Variants in TNPO1 observed in about 807,000 individuals in gnomAD.
TNPO1 encodes transportin-1.
A neutral mutation model predicts 119.5 loss-of-function variants in TNPO1; 8 were observed. The observed-to-expected ratio is 0.07, with a 90% confidence interval of 0.04 to 0.12. TNPO1 has a LOEUF of 0.12. Among genes scored for constraint, TNPO1 ranks in the 10% least tolerant of loss-of-function variants. The probability of loss-of-function intolerance (pLI) is 1.00; values close to 1 mark genes in which losing one functional copy is unlikely to be tolerated. For synonymous variants in TNPO1, 362 were observed against 363.0 expected, an observed-to-expected ratio of 1.00 and a Z score of 0.03; for missense variants, 576 against 1,089.8, an observed-to-expected ratio of 0.53 and a Z score of 6.64.
Position 72,868,431 on chromosome 5 carries a change from CAAAAAAAAAAAAAA to C in TNPO1, c.596+2717_596+2730del, listed in dbSNP as rs200691585. Among the ~76,000 whole-genome samples the C allele has an allele frequency of 1.3e-3, 35 of 27,072 alleles. No individual in the cohort carries two copies. The East Asian group carries it at 0.021, about 16-fold the overall frequency. 17.8% of individuals were successfully genotyped at this position (27,072 alleles called of 152,430 possible). On this transcript the variant is annotated intron_variant, in intron 6 of 24. Coordinates refer to ENST00000337273, the MANE Select transcript of TNPO1 (RefSeq NM_002270.4). ...TGGATGACAGAGCAAGACTCCGTCT[CAAAAAAAAAAAAAA>C]AAAAAAAAAAAAAACACAAAATAAT...
chr5:72,865,488 A>C, intron 5 of TNPO1, 108 bp from the exon 6 acceptor site: 1 of 1,232,760 alleles, frequency 8.1e-7, no homozygotes, highest in Non-Finnish European at 1.1e-6. Context: ...AAGGCATTTT[A>C]TGTGGGCTGA....
chr5:72,862,992 TTGTGTGTGTGTG>T (rs71614493), intron 5 of TNPO1, among the ~76,000 whole-genome samples: 89 of 144,870 alleles, frequency 6.1e-4, no homozygotes, highest in African/African-American at 1.5e-3. Context: ...CTGTGGGTTT[TTGTGTGTGTGTG>T]TGTGTGTGTG....
intron 4 of TNPO1, among the ~76,000 whole-genome samples, chr5:72,861,167 T>C (rs1404919149): frequency 1.3e-5 from 2 of 152,120 alleles, no homozygotes; most frequent in African/African-American, 2.4e-5. Flanking sequence ...CACCTCGGCC[T>C]CCCAAAGTGC....
chr5:72,840,595 A>G (rs1199805637), intron 1 of TNPO1, among the ~76,000 whole-genome samples: 1 of 152,202 alleles, frequency 6.6e-6, no homozygotes, highest in Non-Finnish European at 1.5e-5. Context: ...TGCTGTTGTG[A>G]ATATTAAATG....
At chr5:72,896,073 A>C (rs1749407521) in intron 18 of TNPO1, among the ~76,000 whole-genome samples, 1 of 152,114 alleles carries the variant, frequency 6.6e-6, no homozygotes, top group South Asian at 2.1e-4. Flanking sequence ...AGAGCACAAG[A>C]GTGAAAATTG....
At chr5:72,871,917 T>G (rs1039852988) in intron 6 of TNPO1, 2 of 152,012 alleles carry the variant, frequency 1.3e-5, no homozygotes. Flanking sequence ...ATTTAAGAGG[T>G]TGTAATTAAG....
At chr5:72,849,812 C>T (rs574924031) in intron 2 of TNPO1, among the ~76,000 whole-genome samples, 2 of 152,204 alleles carry the variant, frequency 1.3e-5, no homozygotes, top group African/African-American at 2.4e-5. Context: ...TGTCATAGTT[C>T]TAGGGATGAT....
At chr5:72,851,021 A>G (rs1280579740) in intron 2 of TNPO1, among the ~76,000 whole-genome samples, 3 of 152,208 alleles carry the variant, frequency 2.0e-5, no homozygotes, top group African/African-American at 7.2e-5. Flanking sequence ...TATTGCATGT[A>G]ATTGATACAT....
In TNPO1 at chr5:72,908,969, TC is replaced by T; in HGVS notation, c.*297del. 3 of 445,920 alleles carry T rather than the reference TC, an allele frequency of 6.7e-6. No homozygotes were observed. The highest frequency in any genetic ancestry group is 1.3e-5 in the Non-Finnish European group (3 of 222,874). The allele number at this position is 445,920 out of a possible 1,614,324, so 27.6% of individuals were successfully genotyped here. Reference sequence around the variant, plus strand: ...AGCAAAAAAAAAAAAATCTATTCAGTCTACTCACAAAACAGTACATTGTGGA... The same window carrying T: ...AGCAAAAAAAAAAAAATCTATTCAGTTACTCACAAAACAGTACATTGTGGA... On this transcript the variant is annotated 3_prime_UTR_variant, in exon 25 of 25. Coordinates refer to ENST00000337273, the MANE Select transcript of TNPO1 (RefSeq NM_002270.4).
chr5:72,817,948 C>G (rs1475791761), intron 1 of TNPO1, among the ~76,000 whole-genome samples: 1 of 152,192 alleles, frequency 6.6e-6, no homozygotes, highest in Non-Finnish European at 1.5e-5. Flanking sequence ...CCACTTTCAC[C>G]TTACCTGGCA....
chr5:72,849,542 A>G lies in TNPO1; in HGVS notation c.129+1044A>G, dbSNP rs1745393442. Among the ~76,000 whole-genome samples, 9 of 152,320 alleles carry G rather than the reference A, an allele frequency of 5.9e-5. 1 individual carries two copies. In the South Asian group the frequency reaches 1.5e-3, roughly 25 times the overall value. The stretch of plus-strand genomic sequence containing the variant: ...TACATTTAAAACATCTGTAAAGATG[A>G]AGTTATTTACCCCGAGGGTTTCGCA... On this transcript the variant is annotated intron_variant, in intron 2 of 24. Transcript: ENST00000337273.
At chr5:72,880,555 C>CTG (rs367648022) in intron 9 of TNPO1, among the ~76,000 whole-genome samples, 1 of 152,288 alleles carries the variant, frequency 6.6e-6, no homozygotes, top group East Asian at 1.9e-4. Flanking sequence ...TGGCTTATGC[C>CTG]TGTAATCCCA....
In TNPO1 at chr5:72,909,573, GTAATT is replaced by G. The variant is rs1750420317; in HGVS notation, c.*904_*908del. On this transcript the variant is annotated 3_prime_UTR_variant, in exon 25 of 25. Transcript: ENST00000337273. Reference sequence around the variant, plus strand: ...GCATTCTGGCTCATAGTGGTTGAAAGTAATTTAAATTAGTGGGAAAGTAGCATGCT... The same window carrying G: ...GCATTCTGGCTCATAGTGGTTGAAAGTAAATTAGTGGGAAAGTAGCATGCT... 6.6e-6 allele frequency: 1 copy of G among 152,300 alleles called. No individual in the cohort carries two copies. Among genetic ancestry groups the G allele is most frequent in the Admixed American group, 6.5e-5 (1 of 15,282 alleles). 9.4% of individuals were successfully genotyped at this position (152,300 alleles called of 1,614,324 possible).
rs546607440 is a variant in TNPO1, at chr5:72,886,099, T to TAGGTTTCTAATACATGAACTTCAGGAACG, written c.1151-943_1151-942insGAGGTTTCTAATACATGAACTTCAGGAAC. Among the ~76,000 whole-genome samples the TAGGTTTCTAATACATGAACTTCAGGAACG allele has an allele frequency of 2.0e-3, 302 of 152,308 alleles. 3 individuals carry two copies. Among genetic ancestry groups the TAGGTTTCTAATACATGAACTTCAGGAACG allele is most frequent in the African/African-American group, 7.0e-3 (292 of 41,554 alleles). On this transcript the variant is annotated intron_variant, in intron 11 of 24. Transcript: ENST00000337273. Reference sequence around the variant, plus strand: ...CTCCCATCTTCGTTGCTTTAGGGATTAGGTTTCTAATACATGAACTTCAGG... The same window carrying TAGGTTTCTAATACATGAACTTCAGGAACG: ...CTCCCATCTTCGTTGCTTTAGGGATTAGGTTTCTAATACATGAACTTCAGGAACGAGGTTTCTAATACATGAACTTCAGG...
intron 12 of TNPO1, among the ~76,000 whole-genome samples, chr5:72,887,764 A>T (rs1463070063): frequency 6.6e-6 from 1 of 152,238 alleles, no homozygotes. Flanking sequence ...GCTTTAAAAA[A>T]AAATCCTTGA....
chr5:72,896,409 A>G, intron 18 of TNPO1, 49 bp from the exon 19 acceptor site: 1 of 1,325,830 alleles, frequency 7.5e-7, no homozygotes, highest in African/African-American at 1.5e-5. Context: ...TTAAAGTACA[A>G]TATACTGCTA....
At chr5:72,894,584 TCG>T (rs1352650173) in intron 18 of TNPO1, among the ~76,000 whole-genome samples, 1 of 152,152 alleles carries the variant, frequency 6.6e-6, no homozygotes, top group South Asian at 2.1e-4. Flanking sequence ...GGCAGGAAAA[TCG>T]CTTGAACCCG....
intron 1 of TNPO1, among the ~76,000 whole-genome samples, chr5:72,840,273 A>G (rs1744852004): frequency 1.3e-5 from 2 of 151,158 alleles, no homozygotes; most frequent in African/African-American, 2.5e-5. Flanking sequence ...CGCTTTGTTC[A>G]TTACTGTGTG....
Position 72,882,859 on chromosome 5 carries a change from T to TA in TNPO1, c.982-203dup, listed in dbSNP as rs528971382. Among the ~76,000 whole-genome samples the TA allele has an allele frequency of 5.6e-4, 86 of 152,322 alleles. 2 individuals carry two copies. The highest frequency in any genetic ancestry group is 1.9e-3 in the African/African-American group (79 of 41,568). On this transcript the variant is annotated intron_variant, in intron 10 of 24. Coordinates refer to ENST00000337273, the MANE Select transcript of TNPO1 (RefSeq NM_002270.4). ...CATGTAGTTGGCTGAAAGGGCCGTA[T>TA]AACCTAACAGGTGTGTTAGGTCAGT...
Sources: gnomAD v4.1 joint callset for allele counts (sites outside exome capture counted in the v4.1 genomes callset) on GRCh38, gnomAD v4.1.1 for gene constraint, MANE v1.5 for transcripts, NCBI Gene and HGNC (gene_info 2026-07-23, HGNC 2026-07-21) for gene names.